POTED: variants seen among roughly 807,000 people sequenced by gnomAD.
The protein encoded by POTED is ANKRD26-like family B member 3.
POTED carries 7 observed loss-of-function variants against 19.0 expected under a neutral mutation model. The ratio of observed to expected loss-of-function variants is 0.37; its 90% CI spans 0.21 to 0.69. POTED has a LOEUF of 0.69. Among genes scored for constraint, POTED ranks in the 30% least tolerant of loss-of-function variants. The pLI is 0.56. For synonymous variants in POTED, 16 were observed against 92.0 expected, an observed-to-expected ratio of 0.17 and a Z score of 4.73; for missense variants, 54 against 278.5, an observed-to-expected ratio of 0.19 and a Z score of 5.74.
chr21:13,639,764 GTGTGTGTGTATATA>G, intron 10 of POTED, 126 bp downstream of exon 10: 1 of 501,910 alleles, frequency 2.0e-6, no homozygotes, highest in Non-Finnish European at 2.7e-6. Flanking sequence ...GTATATATAT[GTGTGTGTGTATATA>G]TATACACACA....
intron 4 of POTED, among the ~76,000 whole-genome samples, 194 bp from the exon 5 acceptor site, chr21:13,619,963 TC>T (rs1052750017): frequency 3.1e-4 from 4 of 12,766 alleles, no homozygotes; most frequent in African/African-American, 6.6e-4. Flanking sequence ...TTCCTTTTTG[TC>T]CTTTCCTTTT....
Position 13,642,665 on chromosome 21 carries a change from AT to A in POTED, c.*1101del, listed in dbSNP as rs141924343. Among the ~76,000 whole-genome samples, 1 of 35,312 alleles carries A rather than the reference AT, an allele frequency of 2.8e-5. No homozygotes were observed. The highest frequency in any genetic ancestry group is 3.3e-4 in the African/African-American group (1 of 3,050). 23.2% of individuals were successfully genotyped at this position (35,312 alleles called of 152,430 possible). The stretch of plus-strand genomic sequence containing the variant: ...AGTCACATCCTACAGGTGTGTTCAG[AT>A]TGGCAACAGGTTCATACCTCAGAGG... On this transcript the variant is annotated 3_prime_UTR_variant, in exon 11 of 11. Transcript: ENST00000299443.
In POTED at chr21:13,623,909, G is replaced by A. The variant is rs570747575; in HGVS notation, c.1126+1034G>A. ...GGTTTTATAAGTTGCAGGAGACAAAGATGGAATAGATGTAGTTTTGATCTT... is the reference window on the plus strand; with the variant it reads ...GGTTTTATAAGTTGCAGGAGACAAAAATGGAATAGATGTAGTTTTGATCTT... On this transcript the variant is annotated intron_variant, in intron 6 of 10. Coordinates refer to ENST00000299443, the MANE Select transcript of POTED (RefSeq NM_174981.6). Among the ~76,000 whole-genome samples the A allele has an allele frequency of 1.0e-4, 10 of 97,974 alleles. 3 individuals carry two copies. The South Asian group carries it at 2.6e-3, about 25-fold the overall frequency. 64.3% of individuals were successfully genotyped at this position (97,974 alleles called of 152,430 possible). A position where few individuals can be genotyped will look rare whatever the true frequency, so the allele number is the denominator to read the frequency against.
chr21:13,645,548 C>G lies in POTED; in HGVS notation c.*3982C>G, dbSNP rs558603959. Among the ~76,000 whole-genome samples the G allele has an allele frequency of 1.6e-5, 2 of 127,440 alleles. No individual in the cohort carries two copies. The highest frequency in any genetic ancestry group is 3.3e-5 in the Non-Finnish European group (2 of 60,042). The allele number at this position is 127,440 out of a possible 152,430, so 83.6% of individuals were successfully genotyped here. ...CAAATGCTGAGGGAATTCGTTATCA[C>G]CAGACCTACCTTACAAGAGCTCCTG... is the stretch of plus-strand genomic sequence containing the variant. On this transcript the variant is annotated 3_prime_UTR_variant, in exon 11 of 11. Transcript: ENST00000299443.
At chr21:13,631,279 A>C (rs2011210889) in intron 9 of POTED, among the ~76,000 whole-genome samples, 172 bp downstream of exon 9, 2 of 112,798 alleles carry the variant, frequency 1.8e-5, no homozygotes, top group Admixed American at 1.7e-4. Flanking sequence ...TTTTCCAGTC[A>C]TTAATTTATT....
intron 9 of POTED, among the ~76,000 whole-genome samples, 159 bp downstream of exon 9, chr21:13,631,266 G>A (rs1312575292): frequency 2.6e-5 from 3 of 114,168 alleles, no homozygotes; most frequent in Admixed American, 8.4e-5. Flanking sequence ...ATGAGTTACC[G>A]TTTTTTCCAG....
chr21:13,626,602 C>A lies in POTED; in HGVS notation c.1127-1780C>A, dbSNP rs1313042227. Among the ~76,000 whole-genome samples the A allele has an allele frequency of 1.0e-4, 10 of 99,392 alleles. 4 individuals are homozygous for A. The highest frequency in any genetic ancestry group is 5.0e-4 in the African/African-American group (10 of 19,814). The allele number at this position is 99,392 out of a possible 152,430, so 65.2% of individuals were successfully genotyped here. ...AAAGTACACATAAGGCTTTCATAAT[C>A]TGACTTCTGCCCTACTCTACATCTT... On this transcript the variant is annotated intron_variant, in intron 6 of 10. Coordinates refer to ENST00000299443, the MANE Select transcript of POTED (RefSeq NM_174981.6).
chr21:13,631,248 A>T, intron 9 of POTED, 141 bp downstream of exon 9: 1 of 664,718 alleles, frequency 1.5e-6, no homozygotes, highest in Non-Finnish European at 2.1e-6. Context: ...AATGAAAATC[A>T]GTAAACAATG....
rs1331079709 is a variant in POTED at position 13,645,290 on chromosome 21, C to T, written c.*3724C>T. On this transcript the variant is annotated 3_prime_UTR_variant, in exon 11 of 11. Coordinates refer to ENST00000299443, the MANE Select transcript of POTED (RefSeq NM_174981.6). ...GAAGATCATCCCCAAGACACATAAT[C>T]GTCAGATTTTCTGAGGTCAAAATAA... Among the ~76,000 whole-genome samples, 8 of 135,030 alleles carry T rather than the reference C, an allele frequency of 5.9e-5. 1 individual carries two copies. Among genetic ancestry groups the T allele is most frequent in the South Asian group, 2.3e-4 (1 of 4,442 alleles). The allele number at this position is 135,030 out of a possible 152,430, so 88.6% of individuals were successfully genotyped here. A position where few individuals can be genotyped will look rare whatever the true frequency, so the allele number is the denominator to read the frequency against.
Position 13,612,013 on chromosome 21 carries a change from G to A in POTED, c.521+1264G>A, listed in dbSNP as rs1310399883. Among the ~76,000 whole-genome samples the A allele has an allele frequency of 4.9e-5, 3 of 61,828 alleles. 1 individual carries two copies. The highest frequency in any genetic ancestry group is 4.3e-4 in the African/African-American group (3 of 7,022). The allele number at this position is 61,828 out of a possible 152,430, so 40.6% of individuals were successfully genotyped here. On this transcript the variant is annotated intron_variant, in intron 1 of 10. Transcript: ENST00000299443. ...ATTACAGTCATGAGCCACTGAAACC[G>A]GCATATATATGCAGATATAATAAAA...
chr21:13,640,523 CGT>C (rs563854848), intron 10 of POTED, among the ~76,000 whole-genome samples: 1,240 of 75,132 alleles, frequency 0.017, 397 homozygotes, highest in South Asian at 0.061. Flanking sequence ...TGCATATATA[CGT>C]GTGTGTGTGT....
intron 6 of POTED, among the ~76,000 whole-genome samples, chr21:13,626,630 G>A (rs1376256287): frequency 1.1e-5 from 1 of 88,580 alleles, no homozygotes; most frequent in Non-Finnish European, 2.1e-5. Context: ...TACATCTTTA[G>A]CCCTTTTCCC....
Position 13,624,004 on chromosome 21 carries a change from C to G in POTED, c.1126+1129C>G, listed in dbSNP as rs1176729181. 6.0e-5 allele frequency among the ~76,000 whole-genome samples: 6 copies of G among 100,830 alleles called. 3 individuals carry two copies. Among genetic ancestry groups the G allele is most frequent in the African/African-American group, 9.7e-5 (2 of 20,648 alleles). The allele number at this position is 100,830 out of a possible 152,430, so 66.1% of individuals were successfully genotyped here. A position where few individuals can be genotyped will look rare whatever the true frequency, so the allele number is the denominator to read the frequency against. ...TTTCAACAGAATTTACAAAGAAAAC[C>G]TTTCTATGTTTTCACTTGTCCACTT... On this transcript the variant is annotated intron_variant, in intron 6 of 10. Coordinates refer to ENST00000299443, the MANE Select transcript of POTED (RefSeq NM_174981.6).
In POTED at chr21:13,637,004, A is replaced by ATATATT. The variant is rs1481200854; in HGVS notation, c.1410-2510_1410-2509insATATTT. 1.2e-4 allele frequency among the ~76,000 whole-genome samples: 2 copies of ATATATT among 16,470 alleles called. 1 individual carries two copies. Among genetic ancestry groups the ATATATT allele is most frequent in the Non-Finnish European group, 1.9e-4 (2 of 10,274 alleles). 10.8% of individuals were successfully genotyped at this position (16,470 alleles called of 152,430 possible). A position where few individuals can be genotyped will look rare whatever the true frequency, so the allele number is the denominator to read the frequency against. ...TACCCAGTCTCAGGTATATATATAT[A>ATATATT]TTTTTTTTTTTTTTTCTTTATTCCA... On this transcript the variant is annotated intron_variant, in intron 9 of 10. Coordinates refer to ENST00000299443, the MANE Select transcript of POTED (RefSeq NM_174981.6).
rs1402448780 is a variant in POTED, at chr21:13,637,669, T to C, written c.1410-1846T>C. Reference sequence around the variant, plus strand: ...ATTTATTTATTTATTTTTATTTTTGTTGCTTTTGCTTTCAGGGTCCTCATC... The same window carrying C: ...ATTTATTTATTTATTTTTATTTTTGCTGCTTTTGCTTTCAGGGTCCTCATC... On this transcript the variant is annotated intron_variant, in intron 9 of 10. Coordinates refer to ENST00000299443, the MANE Select transcript of POTED (RefSeq NM_174981.6). Among the ~76,000 whole-genome samples, 2 of 77,980 alleles carry C rather than the reference T, an allele frequency of 2.6e-5. 1 individual carries two copies. The highest frequency in any genetic ancestry group is 2.2e-4 in the Admixed American group (2 of 9,300). 51.2% of individuals were successfully genotyped at this position (77,980 alleles called of 152,430 possible). A position where few individuals can be genotyped will look rare whatever the true frequency, so the allele number is the denominator to read the frequency against.
intron 6 of POTED, among the ~76,000 whole-genome samples, chr21:13,626,586 A>G (rs1238194779): frequency 9.8e-6 from 1 of 102,528 alleles, no homozygotes; most frequent in Non-Finnish European, 1.9e-5. Flanking sequence ...AAAAGTACAC[A>G]TAAGGCTTTC....
intron 6 of POTED, among the ~76,000 whole-genome samples, chr21:13,627,445 C>CA (rs1256115293): frequency 3.3e-5 from 2 of 61,210 alleles, no homozygotes; most frequent in Non-Finnish European, 6.1e-5. Flanking sequence ...CTGGCTCAAA[C>CA]AAAAAAACAA....
rs374334029 is a variant in POTED, at chr21:13,627,585, T to C, written c.1127-797T>C. Among the ~76,000 whole-genome samples, 87 of 79,960 alleles carry C rather than the reference T, an allele frequency of 1.1e-3. 6 individuals are homozygous for C. In the East Asian group the frequency reaches 0.017, roughly 15 times the overall value. 52.5% of individuals were successfully genotyped at this position (79,960 alleles called of 152,430 possible). On this transcript the variant is annotated intron_variant, in intron 6 of 10. Transcript: ENST00000299443. The stretch of plus-strand genomic sequence containing the variant: ...GGAAATCATTTGTAAGGTACTATTG[T>C]TGCAGAAAACAGGAGGCAGGAGAGA...
chr21:13,612,602 C>A (rs1467720553), intron 1 of POTED, among the ~76,000 whole-genome samples: 1 of 85,002 alleles, frequency 1.2e-5, no homozygotes, highest in Non-Finnish European at 2.1e-5. Flanking sequence ...TGCGACTTTT[C>A]AAATAGACAC....
Sources: allele counts gnomAD v4.1 joint callset (sites outside exome capture counted in the v4.1 genomes callset), GRCh38; gene constraint gnomAD v4.1.1; transcripts MANE v1.5; gene names NCBI Gene and HGNC (gene_info 2026-07-23, HGNC 2026-07-21).